Variants in TMEM278 observed in about 807,000 individuals in gnomAD.
TMEM278 encodes the protein transmembrane protein 278.
chr1:1,426,149 ACGG>A, the TMEM278 span: 10 of 1,409,570 alleles, frequency 7.1e-6, no homozygotes, highest in South Asian at 4.7e-5. Context: ...GGGGAGGGAG[ACGG>A]AGGAGGAGGA....
At chr1:1,426,137 C>G in the TMEM278 span, 1 of 1,403,526 alleles carries the variant, frequency 7.1e-7, no homozygotes, top group African/African-American at 1.5e-5. Context: ...CATGAGTGAG[C>G]AGGGGAGGGA....
chr1:1,430,105 G>T, the TMEM278 span, among the ~76,000 whole-genome samples: 1 of 152,096 alleles, frequency 6.6e-6, no homozygotes. Flanking sequence ...CAATCCTCTC[G>T]CCTCAGCCTC....
the TMEM278 span, chr1:1,427,729 G>T: frequency 1.5e-6 from 2 of 1,306,500 alleles, no homozygotes; most frequent in African/African-American, 1.6e-5. Flanking sequence ...GGGACCCCCG[G>T]ACCCCGCCGC....
At chr1:1,426,479 C>T in the TMEM278 span, 7 of 1,090,596 alleles carry the variant, frequency 6.4e-6, no homozygotes, top group Non-Finnish European at 8.4e-6. Context: ...TCCAGAATTG[C>T]CCCTTGTCCT....
the TMEM278 span, chr1:1,426,109 G>A: frequency 7.2e-7 from 1 of 1,383,452 alleles, no homozygotes; most frequent in Non-Finnish European, 9.4e-7. Context: ...CCGGGCCACA[G>A]GCCTGCAGTG....
the TMEM278 span, chr1:1,427,530 A>G: frequency 5.3e-6 from 1 of 190,466 alleles, no homozygotes; most frequent in South Asian, 2.6e-4. Flanking sequence ...CCCGCCCCCC[A>G]CTGACGGCCC....
the TMEM278 span, chr1:1,426,211 T>G: frequency 1.1e-5 from 15 of 1,413,540 alleles, no homozygotes; most frequent in Non-Finnish European, 1.4e-5. Flanking sequence ...CCCGGGGACC[T>G]CCCGACCACC....
chr1:1,427,991 G>GGGGAA, the TMEM278 span, among the ~76,000 whole-genome samples: 1 of 133,612 alleles, frequency 7.5e-6, no homozygotes, highest in South Asian at 2.4e-4. Context: ...GGGGAGGGGA[G>GGGGAA]GGGAAGAGAG....
At chr1:1,426,532 C>A in the TMEM278 span, 1 of 618,692 alleles carries the variant, frequency 1.6e-6, no homozygotes, top group Non-Finnish European at 2.4e-6. Context: ...TTCTCCCAAG[C>A]ACCCCCACCA....
chr1:1,426,301 C>G, the TMEM278 span: 1 of 1,495,348 alleles, frequency 6.7e-7, no homozygotes, highest in Non-Finnish European at 8.9e-7. Context: ...TCCTGCTGCA[C>G]CTCCTGCTGC....
the TMEM278 span, chr1:1,427,727 C>A: frequency 7.7e-7 from 1 of 1,306,666 alleles, no homozygotes; most frequent in Non-Finnish European, 9.7e-7. Flanking sequence ...CTGGGACCCC[C>A]GGACCCCGCC....
At chr1:1,429,216 T>C in the TMEM278 span, among the ~76,000 whole-genome samples, 6 of 151,726 alleles carry the variant, frequency 4.0e-5, no homozygotes, top group African/African-American at 1.2e-4. Flanking sequence ...GCCATGGTGG[T>C]GCACACCTGT....
chr1:1,426,382 G>C, the TMEM278 span: 3 of 1,404,328 alleles, frequency 2.1e-6, no homozygotes, highest in East Asian at 2.8e-5. Context: ...TGTGCCACTC[G>C]AGGGTGAGCC....
chr1:1,427,659 G>C, the TMEM278 span: 47 of 1,339,400 alleles, frequency 3.5e-5, no homozygotes, highest in Non-Finnish European at 4.5e-5. Context: ...GCTGGTGCTC[G>C]CCTCGGCCGT....
chr1:1,428,769 G>A, the TMEM278 span, among the ~76,000 whole-genome samples: 2 of 152,188 alleles, frequency 1.3e-5, no homozygotes, highest in Non-Finnish European at 2.9e-5. Flanking sequence ...GGGAAGCCGA[G>A]GAGGGCGGAT....
chr1:1,427,146 C>G, the TMEM278 span, among the ~76,000 whole-genome samples: 10 of 147,228 alleles, frequency 6.8e-5, no homozygotes, highest in Admixed American at 6.7e-4. Context: ...TCTTTCATCT[C>G]TATCGCCCAC....
chr1:1,428,545 T>C, the TMEM278 span, among the ~76,000 whole-genome samples: 46 of 152,198 alleles, frequency 3.0e-4, no homozygotes, highest in African/African-American at 1.1e-3. Context: ...AAGCCACAGG[T>C]CCACAACGTT....
chr1:1,426,447 G>C, the TMEM278 span: 1 of 1,279,110 alleles, frequency 7.8e-7, no homozygotes, highest in Non-Finnish European at 1.0e-6. Context: ...CGTGCCCTGG[G>C]TCTGAAGGCA....
At chr1:1,427,327 C>T in the TMEM278 span, among the ~76,000 whole-genome samples, 2 of 124,312 alleles carry the variant, frequency 1.6e-5, no homozygotes, top group Admixed American at 7.9e-5. Flanking sequence ...CCCTCTCCTC[C>T]GCGCCTCCCC....
Sources: gnomAD v4.1 joint callset for allele counts (sites outside exome capture counted in the v4.1 genomes callset) on GRCh38, gnomAD v4.1.1 for gene constraint, MANE v1.5 for transcripts, NCBI Gene and HGNC (gene_info 2026-07-23, HGNC 2026-07-21) for gene names.